The following ASTN2 variants were observed in gnomAD, a reference collection of about 807,000 sequenced individuals.
The protein encoded by ASTN2 is astrotactin-2.
A neutral mutation model predicts 139.8 loss-of-function variants in ASTN2; 54 were observed. That is an observed-to-expected ratio of 0.39 (90% CI 0.31 to 0.48). ASTN2 has a LOEUF of 0.48. ASTN2 is among the 20% of genes least tolerant of loss of function. The pLI, the probability that ASTN2 is intolerant of heterozygous loss-of-function variation, is 0.95. For synonymous variants in ASTN2, 756 were observed against 719.5 expected (o/e 1.05, Z -0.81); for missense variants, 1,565 against 1,725.1 (o/e 0.91, Z 1.64).
intron 13 of ASTN2, among the ~76,000 whole-genome samples, chr9:116,775,797 G>A (rs1320098576): frequency 6.8e-6 from 1 of 146,762 alleles, no homozygotes; most frequent in Non-Finnish European, 1.5e-5. Flanking sequence ...AGGAGGGAAG[G>A]AGGAGGGAAG....
chr9:116,803,069 A>AT (rs905997921), intron 13 of ASTN2, among the ~76,000 whole-genome samples: 21 of 152,096 alleles, frequency 1.4e-4, no homozygotes, highest in African/African-American at 4.6e-4. Flanking sequence ...AAATTTTTCT[A>AT]TTTTTTTAAA....
intron 1 of ASTN2, among the ~76,000 whole-genome samples, chr9:117,363,527 G>C (rs1829750641): frequency 6.6e-6 from 1 of 152,146 alleles, no homozygotes; most frequent in Admixed American, 6.5e-5. Context: ...GGAGACACAA[G>C]CACCCGTGAT....
At chr9:116,571,329 T>C (rs571391717) in intron 19 of ASTN2, among the ~76,000 whole-genome samples, 94 of 152,226 alleles carry the variant, frequency 6.2e-4, no homozygotes, top group Non-Finnish European at 1.0e-3. Context: ...GAGCACTCAA[T>C]CTGGACTCCA....
At chr9:116,991,390 TC>T (rs1471368563) in intron 7 of ASTN2, among the ~76,000 whole-genome samples, 1 of 152,176 alleles carries the variant, frequency 6.6e-6, no homozygotes, top group Non-Finnish European at 1.5e-5. Context: ...CAGAAATCTG[TC>T]ATCATGCCTT....
Position 116,626,436 on chromosome 9 carries a change from G to A in ASTN2, c.3073-5993C>T, listed in dbSNP as rs147777685. 9.8e-3 allele frequency among the ~76,000 whole-genome samples: 1,495 copies of A among 151,948 alleles called. 13 individuals are homozygous for A. The highest frequency in any genetic ancestry group is 0.015 in the Non-Finnish European group (1,052 of 67,968). ...TTAAATATGTTTTAAATATAAAATA[G>A]GATGTTCTGCCAAGGATTAAACTTG... On this transcript the variant is annotated intron_variant, in intron 17 of 22. Coordinates refer to ENST00000313400, the MANE Select transcript of ASTN2 (RefSeq NM_001365068.1).
At chr9:117,404,143 A>G (rs1256767693) in intron 1 of ASTN2, among the ~76,000 whole-genome samples, 1 of 152,238 alleles carries the variant, frequency 6.6e-6, no homozygotes, top group Non-Finnish European at 1.5e-5. Flanking sequence ...AGTGTAAGTA[A>G]AAAGTTAGCA....
chr9:117,055,116 GC>G (rs755039368), intron 5 of ASTN2, among the ~76,000 whole-genome samples: 14 of 152,348 alleles, frequency 9.2e-5, no homozygotes, highest in Non-Finnish European at 1.8e-4. Context: ...CCAGTCTGCA[GC>G]CTGGGGGACC....
intron 16 of ASTN2, among the ~76,000 whole-genome samples, chr9:116,669,808 T>C (rs1400873836): frequency 8.6e-6 from 1 of 115,846 alleles, no homozygotes; most frequent in African/African-American, 3.9e-5. Context: ...TTATGTATTG[T>C]ATTTTTTTTT....
Position 117,181,034 on chromosome 9 carries a change from C to A in ASTN2, c.1015+33324G>T, listed in dbSNP as rs1831051748. The A allele has an allele frequency of 9.6e-6, 15 of 1,555,984 alleles. No homozygotes were observed. In the South Asian group the frequency reaches 1.4e-4, roughly 15 times the overall value. On this transcript the variant is annotated intron_variant, in intron 3 of 22. Coordinates refer to ENST00000313400, the MANE Select transcript of ASTN2 (RefSeq NM_001365068.1). The stretch of plus-strand genomic sequence containing the variant: ...GTTTGGAGCCTGCACTGGGGTAGCG[C>A]AAGGTCAGAAACATAAACATACATC...
chr9:116,656,786 C>T (rs1431122392), intron 16 of ASTN2, among the ~76,000 whole-genome samples: 1 of 151,626 alleles, frequency 6.6e-6, no homozygotes, highest in African/African-American at 2.4e-5. Context: ...TGCCCTCATC[C>T]AGAAAACAAA....
chr9:117,394,276 CG>C (rs1830616620), intron 1 of ASTN2, among the ~76,000 whole-genome samples: 1 of 152,138 alleles, frequency 6.6e-6, no homozygotes, highest in Non-Finnish European at 1.5e-5. Flanking sequence ...ATACTGGACA[CG>C]TTCTATGTCT....
intron 19 of ASTN2, among the ~76,000 whole-genome samples, chr9:116,553,013 G>A (rs1178921428): frequency 1.3e-5 from 2 of 152,214 alleles, no homozygotes; most frequent in East Asian, 3.9e-4. Flanking sequence ...GGCAGCATCA[G>A]AGGATGAGGC....
chr9:116,944,467 G>T (rs1487540989), intron 10 of ASTN2, among the ~76,000 whole-genome samples: 1 of 151,830 alleles, frequency 6.6e-6, no homozygotes, highest in Non-Finnish European at 1.5e-5. Flanking sequence ...GATTACCTGA[G>T]GTCAAAAGTT....
intron 2 of ASTN2, among the ~76,000 whole-genome samples, chr9:117,231,032 C>T (rs1178738225): frequency 6.6e-6 from 1 of 152,150 alleles, no homozygotes; most frequent in Non-Finnish European, 1.5e-5. Context: ...AATAAGCCTG[C>T]AGGAGACCTT....
At chr9:117,001,785 C>G (rs202218672) in intron 7 of ASTN2, among the ~76,000 whole-genome samples, 1 of 152,136 alleles carries the variant, frequency 6.6e-6, no homozygotes, top group South Asian at 2.1e-4. Context: ...GCATGGGGCA[C>G]TTTGTTAATG....
intron 3 of ASTN2, among the ~76,000 whole-genome samples, chr9:117,191,581 G>T (rs1323203373): frequency 6.6e-6 from 1 of 152,192 alleles, no homozygotes; most frequent in African/African-American, 2.4e-5. Flanking sequence ...AGTGGATAAA[G>T]ATATCAAATC....
intron 1 of ASTN2, among the ~76,000 whole-genome samples, chr9:117,295,064 G>C (rs1834694827): frequency 1.3e-5 from 2 of 152,186 alleles, no homozygotes; most frequent in South Asian, 2.1e-4. Flanking sequence ...GCTCACACCT[G>C]TAATCTCAGC....
At chr9:116,969,206 C>T (rs1003565140) in intron 10 of ASTN2, among the ~76,000 whole-genome samples, 2 of 152,144 alleles carry the variant, frequency 1.3e-5, no homozygotes, top group African/African-American at 4.8e-5. Context: ...AGAGAGGCAC[C>T]ATAGCTTAGA....
chr9:116,675,178 T>C (rs1859431119), intron 16 of ASTN2, among the ~76,000 whole-genome samples: 1 of 152,212 alleles, frequency 6.6e-6, no homozygotes, highest in South Asian at 2.1e-4. Context: ...TCTGGTACTC[T>C]ATTGGTGGGG....
Sources: gnomAD v4.1 joint callset for allele counts (sites outside exome capture counted in the v4.1 genomes callset) on GRCh38, gnomAD v4.1.1 for gene constraint, MANE v1.5 for transcripts, NCBI Gene and HGNC (gene_info 2026-07-23, HGNC 2026-07-21) for gene names.